Variants in KLHL31 observed in about 807,000 individuals in gnomAD.
KLHL31 encodes the protein kelch-like protein 31.
KLHL31 carries 32 observed loss-of-function variants against 47.1 expected under a neutral mutation model. The observed-to-expected ratio is 0.68, with a 90% CI of 0.51 to 0.91. The LOEUF is 0.91. Ranked by LOEUF, KLHL31 falls within the 40% of genes least tolerant of loss-of-function variation. The pLI is 0.00. For missense variants in KLHL31, 797 were observed against 819.3 expected (o/e 0.97, Z 0.33); for synonymous variants, 330 against 325.1 (o/e 1.01, Z -0.16).
Position 53,651,855 on chromosome 6 carries a change from G to A in KLHL31, c.1648C>T (p.Pro550Ser). The stretch of plus-strand genomic sequence containing the variant: ...GCAGTGCTCACTCCCACCTGCAGCG[G>A]CGCCGCGTAGCTCCACTGGCCGGTC... ...PATGQWSYAA[P>S]LQVGVSTAGV... is the part of the protein sequence containing the mutation. The change falls in exon 3 of 3, where the codon CCG becomes TCG. Residue 550 changes from proline to serine, a missense_variant. Coordinates refer to ENST00000370905, the MANE Select transcript of KLHL31 (RefSeq NM_001003760.5). 6.2e-7 allele frequency: 1 copy of A among 1,604,582 alleles called. No individual in the cohort carries two copies. Among genetic ancestry groups the A allele is most frequent in the Non-Finnish European group, 8.5e-7 (1 of 1,178,914 alleles).
In KLHL31 at chr6:53,655,057, T is replaced by C. The variant is rs779330120; in HGVS notation, c.216A>G (p.Leu72=). Residue 72 remains leucine (L), a synonymous_variant, in exon 2 of 3, where the codon CTA becomes CTG. Transcript: ENST00000370905. The stretch of plus-strand genomic sequence containing the variant: ...TTTTGGTACCAATGACTAAGTCACA[T>C]AGGAAGTTCTCCTGCCGCATTTTAC... The part of the protein sequence containing the change: ...GLSKMRQENF[L]CDLVIGTKTK... 2 of 1,614,056 alleles carry C rather than the reference T, an allele frequency of 1.2e-6. No homozygotes were observed. The highest frequency in any genetic ancestry group is 2.2e-5 in the South Asian group (2 of 91,040).
At chr6:53,659,784 T>A (rs1364850108) in intron 1 of KLHL31, among the ~76,000 whole-genome samples, 1 of 152,210 alleles carries the variant, frequency 6.6e-6, no homozygotes, top group African/African-American at 2.4e-5. Flanking sequence ...CTAGAAGGAC[T>A]AAGAAATCTC....
Position 53,648,474 on chromosome 6 carries a change from A to C in KLHL31, c.*3124T>G, listed in dbSNP as rs1243098162. ...GCAAAAAAATAAAATTAAAAAATTGACCTTTTAGAACGTACATATTTCCAG... is the reference window on the plus strand; with the variant it reads ...GCAAAAAAATAAAATTAAAAAATTGCCCTTTTAGAACGTACATATTTCCAG... On this transcript the variant is annotated 3_prime_UTR_variant, in exon 3 of 3. Coordinates refer to ENST00000370905, the MANE Select transcript of KLHL31 (RefSeq NM_001003760.5). 6.6e-6 allele frequency: 1 copy of C among 152,210 alleles called. No individual in the cohort carries two copies. The highest frequency in any genetic ancestry group is 1.9e-4 in the East Asian group (1 of 5,204). The allele number at this position is 152,210 out of a possible 1,614,324, so 9.4% of individuals were successfully genotyped here.
intron 1 of KLHL31, among the ~76,000 whole-genome samples, chr6:53,659,720 C>T (rs1462860507): frequency 1.3e-5 from 2 of 152,184 alleles, no homozygotes; most frequent in African/African-American, 2.4e-5. Flanking sequence ...TCGGTCAATA[C>T]ATACAGGAGG....
chr6:53,664,432 C>T (rs767885220), intron 1 of KLHL31, among the ~76,000 whole-genome samples: 2 of 152,136 alleles, frequency 1.3e-5, no homozygotes, highest in Non-Finnish European at 2.9e-5. Flanking sequence ...CTGGGCTCAG[C>T]GTTTTCATGA....
At chr6:53,662,151 C>T (rs77985073) in intron 1 of KLHL31, among the ~76,000 whole-genome samples, 1 of 152,040 alleles carries the variant, frequency 6.6e-6, no homozygotes, top group South Asian at 2.1e-4. Flanking sequence ...TCTGCATGGC[C>T]AGGCATGCAT....
chr6:53,647,926 T>C lies in KLHL31; in HGVS notation c.*3672A>G, dbSNP rs58986531. On this transcript the variant is annotated 3_prime_UTR_variant, in exon 3 of 3. Transcript: ENST00000370905. Reference sequence around the variant, plus strand: ...TATTTAGTCATTGACTAAGGTCTTATTGAATGCAGCTTTATTGATAGTGAT... The same window carrying C: ...TATTTAGTCATTGACTAAGGTCTTACTGAATGCAGCTTTATTGATAGTGAT... 12,426 of 152,682 alleles carry C rather than the reference T, an allele frequency of 0.081. 1,038 individuals carry two copies. Among genetic ancestry groups the C allele is most frequent in the East Asian group, 0.22 (1,143 of 5,182 alleles). The allele number at this position is 152,682 out of a possible 1,614,324, so 9.5% of individuals were successfully genotyped here. A position where few individuals can be genotyped will look rare whatever the true frequency, so the allele number is the denominator to read the frequency against.
intron 2 of KLHL31, 123 bp from the exon 3 acceptor site, chr6:53,652,453 G>T: frequency 8.5e-7 from 1 of 1,180,052 alleles, no homozygotes; most frequent in Non-Finnish European, 1.2e-6. Context: ...ACCTGGCCCA[G>T]CACCTCACCT....
Position 53,654,900 on chromosome 6 carries a change from T to C in KLHL31, c.373A>G (p.Ile125Val). The C allele has an allele frequency of 6.2e-7, 1 of 1,614,152 alleles. No homozygotes were observed. The change falls in exon 2 of 3, where the codon ATT (isoleucine) becomes GTT (valine). Residue 125 changes from isoleucine to valine, a missense_variant. Transcript: ENST00000370905. Reference protein sequence around the residue: ...DISPLGLATVIAYAYTGKLTL... With the variant: ...DISPLGLATVVAYAYTGKLTL... ...AGCTTTCCAGTGTAGGCATATGCAA[T>C]GACAGTGGCCAGGCCTAGTGGTGAG...
rs140752984 is a variant in KLHL31, at chr6:53,660,646, T to G, written c.-34+4955A>C. Among the ~76,000 whole-genome samples the G allele has an allele frequency of 2.8e-3, 432 of 152,222 alleles. 2 individuals carry two copies. Among genetic ancestry groups the G allele is most frequent in the African/African-American group, 9.6e-3 (398 of 41,522 alleles). On this transcript the variant is annotated intron_variant, in intron 1 of 2. Coordinates refer to ENST00000370905, the MANE Select transcript of KLHL31 (RefSeq NM_001003760.5). ...CTGGCCAACATGGCGAAACCCTGTC[T>G]CTACCAAAAATACAAAAATTAGCTG...
Position 53,654,964 on chromosome 6 carries a change from T to C in KLHL31, c.309A>G (p.Lys103=). 6.2e-7 allele frequency: 1 copy of C among 1,614,184 alleles called. No individual in the cohort carries two copies. Among genetic ancestry groups the C allele is most frequent in the Non-Finnish European group, 8.5e-7 (1 of 1,179,996 alleles). Reference sequence around the variant, plus strand: ...CCACCCTCTGAATTGACGGGTCTTTTTTTAGGATGTTGTAAAAATACTCAC... The same window carrying C: ...CCACCCTCTGAATTGACGGGTCTTTCTTTAGGATGTTGTAAAAATACTCAC... ...SCSEYFYNIL[K]KDPSIQRVDL... Residue 103 remains lysine, a synonymous_variant, in exon 2 of 3, where the codon AAA becomes AAG. Coordinates refer to ENST00000370905, the MANE Select transcript of KLHL31 (RefSeq NM_001003760.5).
At chr6:53,659,659 T>C (rs903904136) in intron 1 of KLHL31, among the ~76,000 whole-genome samples, 1 of 152,178 alleles carries the variant, frequency 6.6e-6, no homozygotes, top group African/African-American at 2.4e-5. Context: ...GCCTGTCACA[T>C]GCATTCAGAG....
At position 53,651,850 on chromosome 6, in the gene KLHL31, C is replaced by T; in HGVS notation, c.1653G>A (p.Leu551=). The T allele has an allele frequency of 6.2e-7, 1 of 1,606,298 alleles. No individual in the cohort carries two copies. Reference sequence around the variant, plus strand: ...CGCCCGCAGTGCTCACTCCCACCTGCAGCGGCGCCGCGTAGCTCCACTGGC... The same window carrying T: ...CGCCCGCAGTGCTCACTCCCACCTGTAGCGGCGCCGCGTAGCTCCACTGGC... ...ATGQWSYAAP[L]QVGVSTAGVS... is the part of the protein sequence containing the mutation. Residue 551 remains leucine, a synonymous_variant, in exon 3 of 3, where the codon CTG becomes CTA. Coordinates refer to ENST00000370905, the MANE Select transcript of KLHL31 (RefSeq NM_001003760.5).
At chr6:53,661,351 C>T (rs994416389) in intron 1 of KLHL31, among the ~76,000 whole-genome samples, 2 of 152,162 alleles carry the variant, frequency 1.3e-5, no homozygotes, top group Admixed American at 6.5e-5. Flanking sequence ...CGGCCTCTCA[C>T]ATTGGAGCCT....
intron 1 of KLHL31, among the ~76,000 whole-genome samples, chr6:53,656,323 G>T (rs893051993): frequency 6.6e-6 from 1 of 151,968 alleles, no homozygotes; most frequent in Non-Finnish European, 1.5e-5. Context: ...GAGTATAAAA[G>T]AACATCTAGG....
chr6:53,649,852 T>C lies in KLHL31; in HGVS notation c.*1746A>G, dbSNP rs1764439964. ...TATCCACATATACCAAGGTAAAAGA[T>C]TCTTTGTGTGGGATAAGGAAACAGC... is the stretch of plus-strand genomic sequence containing the variant. On this transcript the variant is annotated 3_prime_UTR_variant, in exon 3 of 3. Transcript: ENST00000370905. 1 of 152,152 alleles carries C rather than the reference T, an allele frequency of 6.6e-6. No homozygotes were observed. The highest frequency in any genetic ancestry group is 1.5e-5 in the Non-Finnish European group (1 of 68,010). The allele number at this position is 152,152 out of a possible 1,614,324, so 9.4% of individuals were successfully genotyped here.
intron 1 of KLHL31, among the ~76,000 whole-genome samples, chr6:53,661,860 T>C (rs1764650646): frequency 1.3e-5 from 2 of 152,276 alleles, no homozygotes; most frequent in African/African-American, 2.4e-5. Context: ...TGTTCATATA[T>C]AGAGTATAAC....
chr6:53,659,062 T>C (rs776056274), intron 1 of KLHL31, among the ~76,000 whole-genome samples: 1 of 152,184 alleles, frequency 6.6e-6, no homozygotes, highest in Non-Finnish European at 1.5e-5. Context: ...TCAAAAAAAT[T>C]TGAACCATTT....
At position 53,652,116 on chromosome 6, in the gene KLHL31, C is replaced by T. The variant is rs1401289348; in HGVS notation, c.1387G>A (p.Val463Ile). Residue 463 changes from valine to isoleucine, a missense_variant, in exon 3 of 3, where the codon GTC (valine) becomes ATC (isoleucine). Physicochemically the swap from Val to Ile is conservative, Grantham distance 29. Coordinates refer to ENST00000370905, the MANE Select transcript of KLHL31 (RefSeq NM_001003760.5). ...EVARCCHASAVADGRVLVTGG... is the reference protein window; with the variant it reads ...EVARCCHASAIADGRVLVTGG... ...GTCACCAGCACGCGGCCGTCGGCGA[C>T]CGCGCTAGCGTGGCAGCAGCGCGCC... The T allele has an allele frequency of 6.2e-7, 1 of 1,601,236 alleles. No individual in the cohort carries two copies. Among genetic ancestry groups the T allele is most frequent in the South Asian group, 1.1e-5 (1 of 90,904 alleles).
Sources: gnomAD v4.1 joint callset for allele counts (sites outside exome capture counted in the v4.1 genomes callset) on GRCh38, gnomAD v4.1.1 for gene constraint, MANE v1.5 for transcripts, NCBI Gene and HGNC (gene_info 2026-07-23, HGNC 2026-07-21) for gene names.